The following ARL10 variants were observed in gnomAD, a reference collection of about 807,000 sequenced individuals.
ARL10 encodes the protein ARF like GTPase 10.
A neutral mutation model predicts 26.1 loss-of-function variants in ARL10; 23 were observed. The ratio of observed to expected loss-of-function variants is 0.88; its 90% CI spans 0.63 to 1.25. The LOEUF (loss-of-function observed/expected upper bound fraction) is 1.25. Ranked by LOEUF, ARL10 falls within the 50% of genes most tolerant of loss-of-function variation. The pLI, the probability that ARL10 is intolerant of heterozygous loss-of-function variation, is 0.00. For missense variants in ARL10, 300 were observed against 323.6 expected (o/e 0.93, Z 0.56); for synonymous variants, 138 against 149.1 (o/e 0.93, Z 0.54).
At chr5:176,412,174 CAA>C in the ARL10 span, among the ~76,000 whole-genome samples, 367 of 82,394 alleles carry the variant, frequency 4.5e-3, 1 homozygote, top group African/African-American at 0.015. Flanking sequence ...AGACTCATCT[CAA>C]AAAAAAAAAA....
chr5:176,395,502 C>T (rs1441905388), intron 1 of ARL10, among the ~76,000 whole-genome samples: 1 of 152,200 alleles, frequency 6.6e-6, no homozygotes, highest in Non-Finnish European at 1.5e-5. Context: ...GGCTTAGCCT[C>T]GACACATGAC....
rs1442608757 is a variant in ARL10 at position 176,388,549 on chromosome 5, C to T, written c.*51C>T. ...CCTTGGCCTTGGGCATCGCGCTGAC[C>T]ACCGCACCAGCAGCTCAAACACGCT... On this transcript the variant is annotated 3_prime_UTR_variant, in exon 2 of 2. Coordinates refer to the ARL10 transcript ENST00000503175. The T allele has an allele frequency of 3.1e-6, 5 of 1,604,504 alleles. No individual in the cohort carries two copies. The African/African-American group carries it at 4.0e-5, about 13-fold the overall frequency.
At chr5:176,370,649 G>T (rs903755223) in intron 3 of ARL10, among the ~76,000 whole-genome samples, 7 of 152,114 alleles carry the variant, frequency 4.6e-5, no homozygotes, top group African/African-American at 1.7e-4. Flanking sequence ...CCCCAGTTTG[G>T]ACCAGGAATC....
intron 2 of ARL10, among the ~76,000 whole-genome samples, chr5:176,367,147 A>G (rs1768344185): frequency 6.6e-6 from 1 of 150,972 alleles, no homozygotes; most frequent in Non-Finnish European, 1.5e-5. Flanking sequence ...AGCTGGGATT[A>G]CAGGCGCCCG....
downstream of ARL10, chr5:176,388,958 C>T: frequency 6.2e-7 from 1 of 1,614,110 alleles, no homozygotes; most frequent in East Asian, 2.2e-5. Context: ...CCGCGAGAAC[C>T]CGGTGGTACC....
In ARL10 at chr5:176,394,509, TA is replaced by T. The variant is rs1165524369; in HGVS notation, c.134-7227del. Reference sequence around the variant, plus strand: ...CAACATGGTGAAACCCCATCTCTACTAAAAATACAAAAAATTAGCTGGGTGT... The same window carrying T: ...CAACATGGTGAAACCCCATCTCTACTAAAATACAAAAAATTAGCTGGGTGT... On this transcript the variant is annotated intron_variant, in intron 1 of 1. Coordinates refer to the ARL10 transcript ENST00000514533. 2.6e-5 allele frequency among the ~76,000 whole-genome samples: 4 copies of T among 151,660 alleles called. 1 individual carries two copies. The highest frequency in any genetic ancestry group is 4.9e-5 in the African/African-American group (2 of 41,168).
intron 1 of ARL10, among the ~76,000 whole-genome samples, chr5:176,394,198 C>T (rs76940847): frequency 9.8e-4 from 150 of 152,332 alleles, no homozygotes; most frequent in African/African-American, 3.4e-3. Context: ...GAGCTATCCT[C>T]GGAGCTGTCC....
chr5:176,386,035 G>A (rs2113586355), downstream of ARL10: 1 of 152,734 alleles, frequency 6.5e-6, no homozygotes, highest in South Asian at 2.1e-4. Flanking sequence ...GGTAGAGGAA[G>A]ATGGGGAGTT....
chr5:176,411,816 T>C, the ARL10 span, among the ~76,000 whole-genome samples: 1 of 152,202 alleles, frequency 6.6e-6, no homozygotes, highest in Non-Finnish European at 1.5e-5. Flanking sequence ...CCCTAAATTC[T>C]GGTTTCCTCC....
Position 176,380,525 on chromosome 5 carries a change from G to A in ARL10, c.*8630G>A, listed in dbSNP as rs1286900526. On this transcript the variant is annotated 3_prime_UTR_variant, in exon 4 of 4. Coordinates refer to ENST00000310389, the MANE Select transcript of ARL10 (RefSeq NM_173664.6). ...GTCTTACTCTGTCACCACCCAGGCT[G>A]TAGCGCAATGGCACGATCTCAGCTC... The A allele has an allele frequency of 7.5e-6, 1 of 132,454 alleles. No homozygotes were observed. The highest frequency in any genetic ancestry group is 2.3e-4 in the East Asian group (1 of 4,330). The allele number at this position is 132,454 out of a possible 1,614,324, so 8.2% of individuals were successfully genotyped here.
At chr5:176,406,857 G>A, downstream of ARL10, 1 of 498,042 alleles carries the variant, frequency 2.0e-6, no homozygotes, top group South Asian at 2.4e-5. Flanking sequence ...CTTTCCACCT[G>A]TGACCCAGGC....
rs146183137 is a variant in ARL10, at chr5:176,401,439, C to T, written c.134-302C>T. On this transcript the variant is annotated intron_variant, in intron 1 of 1. Transcript: ENST00000514533. ...GTACTGAGCCCTTTCTCTGTGCCAG[C>T]CCATGTGGGTGTTTTGACAGGAATC... 4.6e-5 allele frequency among the ~76,000 whole-genome samples: 7 copies of T among 152,344 alleles called. No homozygotes were observed. The East Asian group carries it at 1.4e-3, about 29-fold the overall frequency.
At chr5:176,385,231 TC>T, downstream of ARL10, 2 of 1,600,776 alleles carry the variant, frequency 1.2e-6, no homozygotes, top group Non-Finnish European at 1.7e-6. Flanking sequence ...CTTATAGTCC[TC>T]CCCGTGGTTC....
intron 2 of ARL10, among the ~76,000 whole-genome samples, chr5:176,367,365 T>G (rs961720779): frequency 9.2e-5 from 14 of 152,078 alleles, no homozygotes; most frequent in Admixed American, 7.9e-4. Context: ...GGAATGGCAG[T>G]GGGCAGTGGC....
the ARL10 span, among the ~76,000 whole-genome samples, chr5:176,411,558 A>C: frequency 2.0e-5 from 3 of 152,172 alleles, no homozygotes; most frequent in East Asian, 5.8e-4. Flanking sequence ...TATTAAGCGC[A>C]CTTACTACAG....
intron 1 of ARL10, among the ~76,000 whole-genome samples, chr5:176,395,499 C>T (rs1756476001): frequency 6.6e-6 from 1 of 152,226 alleles, no homozygotes; most frequent in Admixed American, 6.5e-5. Flanking sequence ...GGAGGCTTAG[C>T]CTCGACACAT....
At chr5:176,398,637 G>A (rs1240871434) in intron 1 of ARL10, among the ~76,000 whole-genome samples, 3 of 150,696 alleles carry the variant, frequency 2.0e-5, no homozygotes, top group South Asian at 2.1e-4. Context: ...ACTTGAACCC[G>A]GGAGGCAGAG....
chr5:176,367,417 C>G (rs944200265), intron 2 of ARL10, among the ~76,000 whole-genome samples: 1 of 152,144 alleles, frequency 6.6e-6, no homozygotes, highest in Non-Finnish European at 1.5e-5. Context: ...AAACTAGTGT[C>G]ATCTTTCCTC....
chr5:176,367,979 T>A (rs758928962), intron 2 of ARL10: 1 of 529,954 alleles, frequency 1.9e-6, no homozygotes, highest in Non-Finnish European at 3.8e-6. Flanking sequence ...TAGCAAGCAC[T>A]CAGTAAATAT....
Sources: allele counts gnomAD v4.1 joint callset (sites outside exome capture counted in the v4.1 genomes callset), GRCh38; gene constraint gnomAD v4.1.1; transcripts MANE v1.5; gene names NCBI Gene and HGNC (gene_info 2026-07-23, HGNC 2026-07-21).